PARN: variants seen among roughly 807,000 people sequenced by gnomAD.
PARN encodes the protein poly(A)-specific ribonuclease.
Under a neutral mutation model 102.8 loss-of-function variants are expected in PARN, and 71 were observed. The ratio of observed to expected loss-of-function variants is 0.69; its 90% CI spans 0.57 to 0.84. PARN has a LOEUF of 0.84. PARN is among the 40% of genes least tolerant of loss of function. The pLI is 0.00. For synonymous variants in PARN, 261 were observed against 252.9 expected, an observed-to-expected ratio of 1.03 and a Z score of -0.30; for missense variants, 782 against 760.9, an observed-to-expected ratio of 1.03 and a Z score of -0.33.
intron 21 of PARN, among the ~76,000 whole-genome samples, chr16:14,517,398 A>C (rs1280855884): frequency 6.6e-6 from 1 of 152,234 alleles, no homozygotes; most frequent in African/African-American, 2.4e-5. Flanking sequence ...CCACTGTCCC[A>C]GTAATCCCAG....
chr16:14,595,522 T>A (rs1350356263), intron 12 of PARN, among the ~76,000 whole-genome samples: 1 of 151,616 alleles, frequency 6.6e-6, no homozygotes, highest in Non-Finnish European at 1.5e-5. Flanking sequence ...GTGCCACCAC[T>A]CCTGGCTAAT....
At chr16:14,594,488 G>T (rs1372867373) in intron 12 of PARN, among the ~76,000 whole-genome samples, 7 of 152,214 alleles carry the variant, frequency 4.6e-5, no homozygotes, top group Non-Finnish European at 7.3e-5. Context: ...GCCAAGGCAG[G>T]CGGATCACCT....
chr16:14,627,013 C>A (rs1448927510), intron 5 of PARN, 93 bp downstream of exon 5: 10 of 744,788 alleles, frequency 1.3e-5, no homozygotes, highest in Non-Finnish European at 1.9e-5. Context: ...TGCCCCAAAG[C>A]CCAAAGTTAA....
At chr16:14,458,986 C>T (rs1961824992) in intron 22 of PARN, among the ~76,000 whole-genome samples, 1 of 152,086 alleles carries the variant, frequency 6.6e-6, no homozygotes, top group South Asian at 2.1e-4. Context: ...CAGAGCACAG[C>T]AGTTAGGTTT....
intron 21 of PARN, among the ~76,000 whole-genome samples, chr16:14,502,988 T>C (rs920531100): frequency 1.6e-4 from 24 of 152,222 alleles, no homozygotes; most frequent in African/African-American, 5.8e-4. Context: ...AATGGACATA[T>C]TGCAGAATAG....
chr16:14,591,066 A>G (rs1048878265), intron 13 of PARN, among the ~76,000 whole-genome samples: 2 of 151,790 alleles, frequency 1.3e-5, no homozygotes, highest in African/African-American at 4.8e-5. Context: ...CTTGGACAAA[A>G]GAGTGAGACC....
intron 22 of PARN, among the ~76,000 whole-genome samples, chr16:14,479,310 T>C (rs968146754): frequency 6.6e-6 from 1 of 151,906 alleles, no homozygotes; most frequent in Non-Finnish European, 1.5e-5. Flanking sequence ...TAGTCCCAGC[T>C]ATTTGGGTGG....
chr16:14,474,966 A>C (rs1962959069), intron 22 of PARN, among the ~76,000 whole-genome samples: 1 of 152,246 alleles, frequency 6.6e-6, no homozygotes, highest in Non-Finnish European at 1.5e-5. Context: ...ACTTTCAGAA[A>C]CCACTAGCTG....
chr16:14,629,518 G>GA, intron 2 of PARN, 79 bp downstream of exon 2: 1 of 1,045,570 alleles, frequency 9.6e-7, no homozygotes. Flanking sequence ...CCAAGCATAA[G>GA]AAGTTGGGGG....
At chr16:14,484,713 A>G (rs1963564131) in intron 21 of PARN, among the ~76,000 whole-genome samples, 1 of 152,196 alleles carries the variant, frequency 6.6e-6, no homozygotes, top group East Asian at 1.9e-4. Context: ...CACCTGACAC[A>G]TTTTAATCTT....
At chr16:14,618,487 C>CT (rs1972070042) in intron 5 of PARN, among the ~76,000 whole-genome samples, 1 of 143,458 alleles carries the variant, frequency 7.0e-6, no homozygotes, top group Non-Finnish European at 1.5e-5. Flanking sequence ...GAGCAAGACT[C>CT]TGTCTCAAAA....
chr16:14,477,066 A>C (rs1281878777), intron 22 of PARN, among the ~76,000 whole-genome samples: 1 of 152,236 alleles, frequency 6.6e-6, no homozygotes, highest in Non-Finnish European at 1.5e-5. Context: ...TATGCTATTT[A>C]TAAGAAACAT....
chr16:14,552,127 T>A (rs1307625360), intron 20 of PARN, 32 bp from the exon 21 acceptor site: 10 of 1,374,654 alleles, frequency 7.3e-6, no homozygotes, highest in Non-Finnish European at 1.0e-5. Context: ...AAAGTGAACA[T>A]TTGACCATGT....
At chr16:14,629,558 A>G (rs781714429) in intron 2 of PARN, 39 bp downstream of exon 2, 1 of 1,437,612 alleles carries the variant, frequency 7.0e-7, no homozygotes, top group Non-Finnish European at 9.8e-7. Flanking sequence ...TTGGCTATGC[A>G]CTGCAAAGTG....
At chr16:14,626,290 C>A (rs1373209105) in intron 5 of PARN, among the ~76,000 whole-genome samples, 2 of 152,180 alleles carry the variant, frequency 1.3e-5, no homozygotes, top group Non-Finnish European at 2.9e-5. Context: ...TAGGGAGAAG[C>A]CTCCAAGTCT....
intron 22 of PARN, among the ~76,000 whole-genome samples, chr16:14,463,855 C>T (rs1444934719): frequency 8.7e-6 from 1 of 115,406 alleles, no homozygotes. Context: ...GGGGGGACGA[C>T]AAGGTCTCAC....
chr16:14,536,007 A>G (rs1966591341), intron 21 of PARN, among the ~76,000 whole-genome samples: 1 of 152,182 alleles, frequency 6.6e-6, no homozygotes, highest in African/African-American at 2.4e-5. Flanking sequence ...AAAAAAGCAT[A>G]TAATGCTTTT....
intron 21 of PARN, among the ~76,000 whole-genome samples, chr16:14,520,715 T>C (rs563761688): frequency 2.8e-4 from 42 of 151,306 alleles, no homozygotes; most frequent in Admixed American, 1.8e-3. Flanking sequence ...AAAAAAAATC[T>C]GTTTTTAAGA....
chr16:14,482,695 C>T lies in PARN; in HGVS notation c.1613G>A (p.Arg538Gln), dbSNP rs377199187. ...GTAGGGTATGCACTGGGGGTTTAACCGTTTGCTGTCAGCCTCCTTCCAGCT... is the reference window on the plus strand; with the variant it reads ...GTAGGGTATGCACTGGGGGTTTAACTGTTTGCTGTCAGCCTCCTTCCAGCT... Reference protein sequence around the residue: ...EDSWKEADSKRLNPQCIPYTL... With the variant: ...EDSWKEADSKQLNPQCIPYTL... Residue 538 changes from arginine to glutamine, a missense_variant, in exon 22 of 24, where the codon CGG (arginine) becomes CAG (glutamine). Transcript: ENST00000437198. 2 of 1,613,792 alleles carry T rather than the reference C, an allele frequency of 1.2e-6. No individual in the cohort carries two copies. Among genetic ancestry groups the T allele is most frequent in the South Asian group, 1.1e-5 (1 of 91,056 alleles).
Sources: allele counts gnomAD v4.1 joint callset (sites outside exome capture counted in the v4.1 genomes callset), GRCh38; gene constraint gnomAD v4.1.1; transcripts MANE v1.5; gene names NCBI Gene and HGNC (gene_info 2026-07-23, HGNC 2026-07-21).